Variants in TFB1M observed in about 807,000 individuals in gnomAD.
TFB1M encodes the protein transcription factor B1, mitochondrial.
TFB1M carries 27 observed loss-of-function variants against 31.1 expected under a neutral mutation model. The observed-to-expected ratio is 0.87, with a 90% CI of 0.64 to 1.20. TFB1M has a LOEUF of 1.20. Among genes scored for constraint, TFB1M ranks in the 50% most tolerant of loss-of-function variants. The pLI is 0.00. For synonymous variants in TFB1M, 166 were observed against 151.8 expected (o/e 1.09, Z -0.69); for missense variants, 394 against 418.7 (o/e 0.94, Z 0.51).
chr6:155,276,460 T>A, intron 5 of TFB1M: 1 of 1,236,054 alleles, frequency 8.1e-7, no homozygotes, highest in Non-Finnish European at 1.1e-6. Context: ...GAATTATGCT[T>A]AACTTTCCCT....
chr6:155,236,358 T>G, the TFB1M span, among the ~76,000 whole-genome samples: 1 of 147,278 alleles, frequency 6.8e-6, no homozygotes, highest in East Asian at 2.0e-4. Context: ...CCTGGGGGAG[T>G]TTTTTTAAGA....
rs771807826 is a variant in TFB1M at position 155,256,427 on chromosome 6, T to G, written c.*1409A>C. On this transcript the variant is annotated 3_prime_UTR_variant, in exon 7 of 7. Coordinates refer to ENST00000367166, the MANE Select transcript of TFB1M (RefSeq NM_016020.4). ...TCTTACACAAGCTTTGAGGCAAACA[T>G]TACACATTGTGTAACCTGTTTCTGT... 7 of 1,610,198 alleles carry G rather than the reference T, an allele frequency of 4.3e-6. No homozygotes were observed. Among genetic ancestry groups the G allele is most frequent in the Non-Finnish European group, 5.9e-6 (7 of 1,178,498 alleles).
At chr6:155,296,480 A>G (rs1036876685) in intron 4 of TFB1M, among the ~76,000 whole-genome samples, 14 of 128,286 alleles carry the variant, frequency 1.1e-4, no homozygotes, top group Non-Finnish European at 2.0e-4. Context: ...GGGTTTCACC[A>G]TGTTGGCCAG....
In TFB1M at chr6:155,256,151, GATTTATT is replaced by G; in HGVS notation, c.*1678_*1684del. 1 of 479,108 alleles carries G rather than the reference GATTTATT, an allele frequency of 2.1e-6. No homozygotes were observed. Among genetic ancestry groups the G allele is most frequent in the Non-Finnish European group, 3.7e-6 (1 of 273,860 alleles). 29.7% of individuals were successfully genotyped at this position (479,108 alleles called of 1,614,324 possible). ...CACCTTAGTGAAAGAAAGGAGCCTA[GATTTATT>G]ATTACCAATTAACTTTTCAACTTAC... is the stretch of plus-strand genomic sequence containing the variant. On this transcript the variant is annotated 3_prime_UTR_variant, in exon 7 of 7. Transcript: ENST00000367166.
At chr6:155,241,500 T>C in the TFB1M span, among the ~76,000 whole-genome samples, 2 of 152,062 alleles carry the variant, frequency 1.3e-5, no homozygotes, top group African/African-American at 4.8e-5. Context: ...AGACACTCGG[T>C]CCCCCTTCTC....
At chr6:155,287,045 C>T (rs1451866437) in intron 4 of TFB1M, among the ~76,000 whole-genome samples, 1 of 151,828 alleles carries the variant, frequency 6.6e-6, no homozygotes, top group African/African-American at 2.4e-5. Context: ...AACTATGCTC[C>T]ACCACAGTAC....
At chr6:155,286,983 T>C (rs933956872) in intron 4 of TFB1M, among the ~76,000 whole-genome samples, 5 of 151,730 alleles carry the variant, frequency 3.3e-5, no homozygotes, top group Non-Finnish European at 5.9e-5. Context: ...AAATAGCTAA[T>C]AGAATATATA....
Position 155,257,973 on chromosome 6 carries a change from T to C in TFB1M, c.904A>G (p.Ser302Gly). ...PRQLSISHFK[S>G]LCDVYRKMCD... ...ATTTTTCTGTATACATCACAGAGGCTCTTAAAGTGTGAGATGGAGAGCTGG... is the reference window on the plus strand; with the variant it reads ...ATTTTTCTGTATACATCACAGAGGCCCTTAAAGTGTGAGATGGAGAGCTGG... Residue 302 changes from serine (S) to glycine (G), a missense_variant, in exon 7 of 7, where the codon AGC (serine) becomes GGC (glycine). This residue lies in a region of TFB1M where 115 missense variants were observed against 144.1 expected (regional missense o/e 0.80). Transcript: ENST00000367166. The C allele has an allele frequency of 1.2e-6, 2 of 1,614,202 alleles. No homozygotes were observed. Among genetic ancestry groups the C allele is most frequent in the Non-Finnish European group, 1.7e-6 (2 of 1,180,044 alleles).
In TFB1M at chr6:155,264,665, A is replaced by G. The variant is rs1211393366; in HGVS notation, c.667-4265T>C. On this transcript the variant is annotated intron_variant, in intron 5 of 6. Coordinates refer to ENST00000367166, the MANE Select transcript of TFB1M (RefSeq NM_016020.4). The stretch of plus-strand genomic sequence containing the variant: ...TCTTTCTTCTTGGGATCATAAAAAA[A>G]GAACAGATTTTAAACAGTCACATAG... Among the ~76,000 whole-genome samples the G allele has an allele frequency of 2.6e-5, 4 of 152,348 alleles. No individual in the cohort carries two copies. In the East Asian group the frequency reaches 5.8e-4, roughly 22 times the overall value.
intron 3 of TFB1M, 123 bp from the exon 4 acceptor site, chr6:155,297,227 G>T: frequency 1.9e-6 from 2 of 1,047,930 alleles, no homozygotes; most frequent in African/African-American, 1.6e-5. Context: ...AAATAGACAT[G>T]GCTAAATTTT....
At chr6:155,235,025 G>C in the TFB1M span, among the ~76,000 whole-genome samples, 5 of 151,650 alleles carry the variant, frequency 3.3e-5, no homozygotes, top group African/African-American at 1.2e-4. Flanking sequence ...GCTAGAGACA[G>C]AGCACAGCTA....
intron 5 of TFB1M, chr6:155,260,718 A>G: frequency 2.5e-6 from 1 of 401,912 alleles, no homozygotes; most frequent in Non-Finnish European, 4.7e-6. Context: ...CAGTCAGCAG[A>G]TAATAGATGG....
chr6:155,302,916 T>C (rs1357967947), intron 2 of TFB1M, among the ~76,000 whole-genome samples: 1 of 152,172 alleles, frequency 6.6e-6, no homozygotes, highest in Non-Finnish European at 1.5e-5. Flanking sequence ...CACGTCCTTC[T>C]TCATATGGTG....
At chr6:155,249,481 C>A in the TFB1M span, among the ~76,000 whole-genome samples, 1 of 152,180 alleles carries the variant, frequency 6.6e-6, no homozygotes, top group Non-Finnish European at 1.5e-5. Flanking sequence ...CTTTTCTCAT[C>A]TGTAAAATGG....
chr6:155,263,132 C>A (rs1416514758), intron 5 of TFB1M, among the ~76,000 whole-genome samples: 1 of 152,188 alleles, frequency 6.6e-6, no homozygotes, highest in Non-Finnish European at 1.5e-5. Context: ...CCCAAAGGCA[C>A]CTTTCAGAAT....
chr6:155,271,153 C>T (rs745911491), intron 5 of TFB1M, among the ~76,000 whole-genome samples: 19 of 152,172 alleles, frequency 1.2e-4, no homozygotes, highest in Non-Finnish European at 1.8e-4. Flanking sequence ...TGATTAAAGT[C>T]TAACATGGTT....
chr6:155,290,863 C>T (rs1776891480), intron 4 of TFB1M, among the ~76,000 whole-genome samples: 1 of 152,082 alleles, frequency 6.6e-6, no homozygotes, highest in East Asian at 1.9e-4. Context: ...GCTCCTAAAG[C>T]CCTTGAAATT....
At chr6:155,273,270 CA>C (rs1299895985) in intron 5 of TFB1M, among the ~76,000 whole-genome samples, 1 of 152,162 alleles carries the variant, frequency 6.6e-6, no homozygotes, top group African/African-American at 2.4e-5. Context: ...CTGATGTCTA[CA>C]GATAAGTCTG....
intron 1 of TFB1M, among the ~76,000 whole-genome samples, chr6:155,312,980 G>T (rs553443266): frequency 1.1e-4 from 16 of 152,222 alleles, no homozygotes; most frequent in African/African-American, 3.9e-4. Context: ...GGACATGGTG[G>T]CTCACACCTG....
Sources: gnomAD v4.1 joint callset for allele counts (sites outside exome capture counted in the v4.1 genomes callset) on GRCh38, gnomAD v4.1.1 for gene constraint, gnomAD v4.1.1 regional missense constraint, MANE v1.5 for transcripts, NCBI Gene and HGNC (gene_info 2026-07-23, HGNC 2026-07-21) for gene names.